The following BCAS3 variants were observed in gnomAD, a reference collection of about 807,000 sequenced individuals.
The protein encoded by BCAS3 is BCAS4/BCAS3 fusion.
In BCAS3, 53 loss-of-function variants were observed where a neutral mutation model predicts 116.1. That is an observed-to-expected ratio of 0.46 (90% CI 0.37 to 0.57). The LOEUF (loss-of-function observed/expected upper bound fraction) is 0.57. Ranked by LOEUF, BCAS3 falls within the 20% of genes least tolerant of loss-of-function variation. The probability of loss-of-function intolerance (pLI) is 0.00; values close to 1 mark genes in which losing one functional copy is unlikely to be tolerated. For synonymous variants in BCAS3, 391 were observed against 408.2 expected (o/e 0.96, Z 0.51); for missense variants, 917 against 1,165.4 (o/e 0.79, Z 3.10).
chr17:60,971,097 G>A (rs2061933631), intron 14 of BCAS3, among the ~76,000 whole-genome samples: 1 of 152,164 alleles, frequency 6.6e-6, no homozygotes, highest in Non-Finnish European at 1.5e-5. Context: ...ATTTCCATCA[G>A]TGAATAGAAC....
intron 5 of BCAS3, among the ~76,000 whole-genome samples, chr17:60,724,466 C>G (rs762664178): frequency 6.7e-6 from 1 of 148,706 alleles, no homozygotes; most frequent in Admixed American, 6.7e-5. Flanking sequence ...GGCTCATGCC[C>G]GTAATCCCAG....
chr17:60,847,976 A>G (rs2052681588), intron 7 of BCAS3, among the ~76,000 whole-genome samples: 1 of 152,204 alleles, frequency 6.6e-6, no homozygotes, highest in South Asian at 2.1e-4. Flanking sequence ...TATTTGGGTT[A>G]GAACTATTTT....
intron 5 of BCAS3, chr17:60,727,536 G>T: frequency 1.6e-6 from 2 of 1,279,794 alleles, no homozygotes; most frequent in Non-Finnish European, 1.1e-6. Context: ...TGGCATCTGA[G>T]ACTCTCGCCT....
At chr17:60,972,497 A>G (rs1600115394) in intron 14 of BCAS3, among the ~76,000 whole-genome samples, 1 of 132,064 alleles carries the variant, frequency 7.6e-6, no homozygotes, top group South Asian at 2.3e-4. Context: ...CACGTAGGCT[A>G]GAGTGTAGTA....
intron 22 of BCAS3, among the ~76,000 whole-genome samples, chr17:61,264,499 C>T (rs146916828): frequency 5.3e-5 from 8 of 151,828 alleles, no homozygotes; most frequent in Non-Finnish European, 1.0e-4. Flanking sequence ...ACCTCTGCCT[C>T]CTGGTGCAAG....
rs1439209514 is a variant in BCAS3, at chr17:61,162,354, T to C, written c.2425+77790T>C. 1.3e-5 allele frequency among the ~76,000 whole-genome samples: 2 copies of C among 152,184 alleles called. No homozygotes were observed. The highest frequency in any genetic ancestry group is 2.9e-5 in the Non-Finnish European group (2 of 68,024). ...GGAGAGCTTGCGAATGGAAGGGGTG[T>C]TCCTGCCAGCTGGGTTTCTTTGCAT... On this transcript the variant is annotated intron_variant, in intron 22 of 23. Transcript: ENST00000407086. This position sits in a 1 kb window ranked among gnomAD's most constrained non-coding sequence, Gnocchi z 5.6.
chr17:61,222,496 G>A lies in BCAS3; in HGVS notation c.2425+137932G>A, dbSNP rs1233014490. ...AAGGACTCGTAGCATTCCTCTTTTC[G>A]CTGTTGCTCAGCGGTGTTTGCCTGA... On this transcript the variant is annotated intron_variant, in intron 22 of 23. Transcript: ENST00000407086. This position sits in a 1 kb window ranked among gnomAD's most constrained non-coding sequence, Gnocchi z 6.1. 6.6e-6 allele frequency among the ~76,000 whole-genome samples: 1 copy of A among 152,124 alleles called. No homozygotes were observed. The highest frequency in any genetic ancestry group is 1.5e-5 in the Non-Finnish European group (1 of 68,022).
intron 14 of BCAS3, among the ~76,000 whole-genome samples, chr17:60,948,480 G>A (rs752320025): frequency 2.6e-5 from 4 of 151,950 alleles, no homozygotes; most frequent in East Asian, 1.9e-4. Flanking sequence ...TGTCTTAATC[G>A]CTTAAAATCT....
chr17:60,977,217 T>C (rs1044767885), intron 14 of BCAS3, among the ~76,000 whole-genome samples: 7 of 152,174 alleles, frequency 4.6e-5, no homozygotes, highest in Non-Finnish European at 7.4e-5. Context: ...AAAATATGCA[T>C]TGCACAGGCT....
rs545519679 is a variant in BCAS3, at chr17:61,346,312, T to G, written c.2426-22015T>G. The stretch of plus-strand genomic sequence containing the variant: ...TACTTCCTTTTATTGTCAGGTCATT[T>G]TAGCATGATTGAAAAATCAGGAGAA... On this transcript the variant is annotated intron_variant, in intron 22 of 23. Transcript: ENST00000407086. The surrounding 1 kb of genome is among the most constrained non-coding windows in gnomAD (Gnocchi z 5.4). Among the ~76,000 whole-genome samples, 1 of 152,344 alleles carries G rather than the reference T, an allele frequency of 6.6e-6. No individual in the cohort carries two copies. Among genetic ancestry groups the G allele is most frequent in the South Asian group, 2.1e-4 (1 of 4,828 alleles).
intron 19 of BCAS3, among the ~76,000 whole-genome samples, chr17:61,043,054 T>C (rs1488034122): frequency 6.6e-6 from 1 of 151,284 alleles, no homozygotes; most frequent in East Asian, 2.0e-4. Context: ...CTGTGAGATG[T>C]TTAATAGTTG....
At chr17:61,291,956 G>A (rs2052457286) in intron 22 of BCAS3, among the ~76,000 whole-genome samples, 1 of 152,158 alleles carries the variant, frequency 6.6e-6, no homozygotes, top group Non-Finnish European at 1.5e-5. Context: ...TGCATCTAGT[G>A]ATCCTGGAAC....
intron 22 of BCAS3, among the ~76,000 whole-genome samples, chr17:61,115,186 A>G (rs1181313723): frequency 1.3e-5 from 2 of 152,168 alleles, no homozygotes; most frequent in Admixed American, 1.3e-4. Context: ...ATGGGCAAAG[A>G]CTTCATGTCC....
intron 12 of BCAS3, among the ~76,000 whole-genome samples, chr17:60,920,870 AAACAACAAC>A (rs58062382): frequency 0.038 from 5,614 of 146,578 alleles, 126 homozygotes; most frequent in South Asian, 0.067. Context: ...ACTCCATCGC[AAACAACAAC>A]AACAACAACA....
At chr17:60,891,077 C>T (rs1179518957) in intron 10 of BCAS3, among the ~76,000 whole-genome samples, 1 of 151,960 alleles carries the variant, frequency 6.6e-6, no homozygotes, top group Non-Finnish European at 1.5e-5. Context: ...TCCAGTATAT[C>T]TTGTAAAAAT....
chr17:61,123,661 C>G (rs1022436524), intron 22 of BCAS3, among the ~76,000 whole-genome samples: 1 of 151,604 alleles, frequency 6.6e-6, no homozygotes. Flanking sequence ...CCCAGAAGAC[C>G]TAAGTCTTTT....
At chr17:61,094,581 C>T (rs1270983848) in intron 22 of BCAS3, among the ~76,000 whole-genome samples, 1 of 152,210 alleles carries the variant, frequency 6.6e-6, no homozygotes, top group African/African-American at 2.4e-5. Context: ...GACACGATGG[C>T]ACACGCGTAT....
At chr17:60,855,914 T>C (rs2054213656) in intron 7 of BCAS3, among the ~76,000 whole-genome samples, 1 of 152,132 alleles carries the variant, frequency 6.6e-6, no homozygotes, top group Non-Finnish European at 1.5e-5. Flanking sequence ...ACTCCTGAGC[T>C]CAAGTGATCC....
chr17:60,716,904 C>G (rs2038679464), intron 5 of BCAS3, among the ~76,000 whole-genome samples: 2 of 152,050 alleles, frequency 1.3e-5, no homozygotes, highest in African/African-American at 4.8e-5. Context: ...TATTACATGC[C>G]AGACTGTGTT....
Sources: gnomAD v4.1 joint callset for allele counts (sites outside exome capture counted in the v4.1 genomes callset) on GRCh38, gnomAD v4.1.1 for gene constraint, Gnocchi (gnomAD v3.1) non-coding constraint, MANE v1.5 for transcripts, NCBI Gene and HGNC (gene_info 2026-07-23, HGNC 2026-07-21) for gene names.